The following HS6ST3 variants were observed in gnomAD, a reference collection of about 807,000 sequenced individuals.
The protein encoded by HS6ST3 is heparan sulfate 6-O-sulfotransferase 3, also known as heparan-sulfate 6-O-sulfotransferase 3.
In HS6ST3, 12 loss-of-function variants were observed where a neutral mutation model predicts 36.7. That is an observed-to-expected ratio of 0.33 (90% CI 0.21 to 0.53). The LOEUF (loss-of-function observed/expected upper bound fraction) is 0.53, where lower values mean the gene tolerates loss of function less well. Ranked by LOEUF, HS6ST3 falls within the 20% of genes least tolerant of loss-of-function variation. HS6ST3 has a pLI of 0.95. For missense variants in HS6ST3, 584 were observed against 640.9 expected (o/e 0.91, Z 0.96); for synonymous variants, 240 against 257.5 (o/e 0.93, Z 0.65).
At chr13:96,446,277 C>T (rs1426023900) in intron 1 of HS6ST3, among the ~76,000 whole-genome samples, 2 of 151,872 alleles carry the variant, frequency 1.3e-5, no homozygotes, top group Non-Finnish European at 2.9e-5. Flanking sequence ...AAGTTGAGTT[C>T]CAAAGTAAGT....
chr13:96,667,313 AC>A (rs1195259081), intron 1 of HS6ST3, among the ~76,000 whole-genome samples: 1 of 152,184 alleles, frequency 6.6e-6, no homozygotes, highest in Non-Finnish European at 1.5e-5. Flanking sequence ...CTTGCATTAA[AC>A]GTTGAATACA....
At chr13:96,361,873 AT>A in intron 1 of HS6ST3, among the ~76,000 whole-genome samples, 1 of 152,226 alleles carries the variant, frequency 6.6e-6, no homozygotes, top group Admixed American at 6.5e-5. Context: ...TTACAATCTT[AT>A]TTTTTATGAT....
chr13:96,790,954 A>G lies in HS6ST3; in HGVS notation c.708-41536A>G, dbSNP rs77220129. The stretch of plus-strand genomic sequence containing the variant: ...GTGTAATAAAATTCTTTAGTGTTAC[A>G]AGAGAACATATGTGCTTTGATTTTC... On this transcript the variant is annotated intron_variant, in intron 1 of 1. Coordinates refer to ENST00000376705, the MANE Select transcript of HS6ST3 (RefSeq NM_153456.4). Among the ~76,000 whole-genome samples, 1,184 of 152,160 alleles carry G rather than the reference A, an allele frequency of 7.8e-3. 10 individuals carry two copies. Among genetic ancestry groups the G allele is most frequent in the Non-Finnish European group, 0.011 (769 of 67,964 alleles).
At chr13:96,556,543 TG>T (rs1238758862) in intron 1 of HS6ST3, among the ~76,000 whole-genome samples, 2 of 152,214 alleles carry the variant, frequency 1.3e-5, no homozygotes, top group Admixed American at 6.5e-5. Context: ...TTTGAAGCTT[TG>T]GCCAGAACTC....
intron 1 of HS6ST3, among the ~76,000 whole-genome samples, chr13:96,485,769 A>C (rs1011769307): frequency 6.6e-6 from 1 of 152,200 alleles, no homozygotes; most frequent in African/African-American, 2.4e-5. Flanking sequence ...AATGAACATC[A>C]GTTCTACTGA....
intron 1 of HS6ST3, among the ~76,000 whole-genome samples, chr13:96,349,285 C>A (rs1445369240): frequency 6.6e-6 from 1 of 152,136 alleles, no homozygotes; most frequent in Admixed American, 6.5e-5. Context: ...TTCAAATAAG[C>A]ACATCAAGAG....
At chr13:96,282,401 C>T (rs2054780104) in intron 1 of HS6ST3, among the ~76,000 whole-genome samples, 1 of 152,100 alleles carries the variant, frequency 6.6e-6, no homozygotes, top group African/African-American at 2.4e-5. Flanking sequence ...AGGTGCGGAG[C>T]AGACAAGATG....
chr13:96,760,384 G>A (rs1876934895), intron 1 of HS6ST3, among the ~76,000 whole-genome samples: 3 of 151,832 alleles, frequency 2.0e-5, no homozygotes, highest in Admixed American at 2.0e-4. Flanking sequence ...TATGAGAGTT[G>A]AGAAACTTAC....
chr13:96,609,804 C>A (rs2056451170), intron 1 of HS6ST3, among the ~76,000 whole-genome samples: 1 of 152,104 alleles, frequency 6.6e-6, no homozygotes, highest in Non-Finnish European at 1.5e-5. Context: ...AAACATACTT[C>A]AATTGAAAAT....
chr13:96,378,486 G>A (rs1406506618), intron 1 of HS6ST3, among the ~76,000 whole-genome samples: 5 of 152,166 alleles, frequency 3.3e-5, no homozygotes, highest in African/African-American at 1.2e-4. Flanking sequence ...TCTACCTGGT[G>A]ACTTCACCTT....
Position 96,250,300 on chromosome 13 carries a change from T to C in HS6ST3, c.707+158731T>C, listed in dbSNP as rs530154697. Among the ~76,000 whole-genome samples, 10 of 152,280 alleles carry C rather than the reference T, an allele frequency of 6.6e-5. No homozygotes were observed. The East Asian group carries it at 1.7e-3, about 26-fold the overall frequency. On this transcript the variant is annotated intron_variant, in intron 1 of 1. Coordinates refer to ENST00000376705, the MANE Select transcript of HS6ST3 (RefSeq NM_153456.4). ...TTGAATGGTGATCCCCCAAAGGATA[T>C]GTTTGTTTTCTAACTGCTGGAACCA...
At chr13:96,392,078 C>T (rs376237587) in intron 1 of HS6ST3, among the ~76,000 whole-genome samples, 2 of 152,168 alleles carry the variant, frequency 1.3e-5, no homozygotes, top group African/African-American at 4.8e-5. Flanking sequence ...TTTTCCAACT[C>T]TGTCCATTCC....
intron 1 of HS6ST3, among the ~76,000 whole-genome samples, chr13:96,712,506 G>A (rs371168445): frequency 4.6e-5 from 7 of 152,096 alleles, no homozygotes; most frequent in African/African-American, 1.7e-4. Flanking sequence ...TTATTCCAGG[G>A]TGGGGGTTCA....
rs1378144977 is a variant in HS6ST3 at position 96,278,995 on chromosome 13, A to T, written c.707+187426A>T. Among the ~76,000 whole-genome samples the T allele has an allele frequency of 3.9e-5, 6 of 152,298 alleles. No homozygotes were observed. The East Asian group carries it at 1.2e-3, about 29-fold the overall frequency. Reference sequence around the variant, plus strand: ...AATTTCCAACACTGTGTCAGCCCTCATGGAGGCAGAACAATGAGTGAACAA... The same window carrying T: ...AATTTCCAACACTGTGTCAGCCCTCTTGGAGGCAGAACAATGAGTGAACAA... On this transcript the variant is annotated intron_variant, in intron 1 of 1. Coordinates refer to ENST00000376705, the MANE Select transcript of HS6ST3 (RefSeq NM_153456.4).
intron 1 of HS6ST3, among the ~76,000 whole-genome samples, chr13:96,666,872 A>G (rs1285264870): frequency 6.6e-6 from 1 of 152,144 alleles, no homozygotes; most frequent in Non-Finnish European, 1.5e-5. Context: ...AGTCTAGTTT[A>G]GTTACTATTT....
chr13:96,739,219 TTGTGTGTGTGTGTGTG>T lies in HS6ST3; in HGVS notation c.708-93227_708-93212del, dbSNP rs3138578. On this transcript the variant is annotated intron_variant, in intron 1 of 1. Coordinates refer to ENST00000376705, the MANE Select transcript of HS6ST3 (RefSeq NM_153456.4). ...CCTTCTGTTCTCTATCGACATTTGC[TTGTGTGTGTGTGTGTG>T]TGTGTGTGTGTGTGTGTGTGTGTGT... 8.2e-3 allele frequency among the ~76,000 whole-genome samples: 1,036 copies of T among 126,306 alleles called. 5 individuals carry two copies. The highest frequency in any genetic ancestry group is 0.012 in the African/African-American group (425 of 34,610). 82.9% of individuals were successfully genotyped at this position (126,306 alleles called of 152,430 possible). A position where few individuals can be genotyped will look rare whatever the true frequency, so the allele number is the denominator to read the frequency against.
At chr13:96,581,393 G>A (rs894510328) in intron 1 of HS6ST3, among the ~76,000 whole-genome samples, 1 of 151,846 alleles carries the variant, frequency 6.6e-6, no homozygotes, top group African/African-American at 2.4e-5. Flanking sequence ...CTAATTTTTT[G>A]TATTTTTTTT....
intron 1 of HS6ST3, among the ~76,000 whole-genome samples, chr13:96,110,428 A>T (rs2053862350): frequency 6.9e-6 from 1 of 145,042 alleles, no homozygotes; most frequent in Non-Finnish European, 1.5e-5. Context: ...TTCTTTTTTA[A>T]TTTGTGTGTG....
intron 1 of HS6ST3, among the ~76,000 whole-genome samples, chr13:96,644,406 C>A (rs1276762679): frequency 6.6e-6 from 1 of 151,864 alleles, no homozygotes; most frequent in Non-Finnish European, 1.5e-5. Context: ...ATATGAAGCC[C>A]CAGTGAGAAA....
Sources: gnomAD v4.1 joint callset for allele counts (sites outside exome capture counted in the v4.1 genomes callset) on GRCh38, gnomAD v4.1.1 for gene constraint, MANE v1.5 for transcripts, NCBI Gene and HGNC (gene_info 2026-07-23, HGNC 2026-07-21) for gene names.